The following CDC42BPA variants were observed in gnomAD, a reference collection of about 807,000 sequenced individuals.
The protein encoded by CDC42BPA is CDC42 binding protein kinase alpha, also known as serine/threonine-protein kinase MRCK alpha.
A neutral mutation model predicts 223.5 loss-of-function variants in CDC42BPA; 80 were observed. The ratio of observed to expected loss-of-function variants is 0.36; its 90% CI spans 0.30 to 0.43. The LOEUF is 0.43. Among genes scored for constraint, CDC42BPA ranks in the 20% least tolerant of loss-of-function variants. CDC42BPA has a pLI of 1.00. For synonymous variants in CDC42BPA, 694 were observed against 718.6 expected, an observed-to-expected ratio of 0.97 and a Z score of 0.55; for missense variants, 1,743 against 2,099.9, an observed-to-expected ratio of 0.83 and a Z score of 3.32.
chr1:227,159,914 G>T (rs1218587602), intron 6 of CDC42BPA, among the ~76,000 whole-genome samples: 9 of 152,002 alleles, frequency 5.9e-5, no homozygotes, highest in Non-Finnish European at 1.2e-4. Context: ...TGCAATCTTG[G>T]CTCACTGCAA....
intron 16 of CDC42BPA, among the ~76,000 whole-genome samples, chr1:227,084,067 T>C (rs781536521): frequency 6.6e-6 from 1 of 151,586 alleles, no homozygotes; most frequent in Non-Finnish European, 1.5e-5. Context: ...AGTAAAGTCC[T>C]GGTTTCCTTG....
Position 227,160,639 on chromosome 1 carries a change from G to A in CDC42BPA, c.600-3C>T, listed in dbSNP as rs879041872. ...GTATATTGTCAGGTTTAATGTCTCT[G>A]AAAAAATAAATAAATTCAATTTTTA... On this transcript the variant is annotated splice_region_variant and splice_polypyrimidine_tract_variant and intron_variant, in intron 5 of 36. Transcript: ENST00000366766. 2 of 1,471,114 alleles carry A rather than the reference G, an allele frequency of 1.4e-6. No individual in the cohort carries two copies. The highest frequency in any genetic ancestry group is 1.9e-5 in the Admixed American group (1 of 52,478). The allele number at this position is 1,471,114 out of a possible 1,614,324, so 91.1% of individuals were successfully genotyped here. A position where few individuals can be genotyped will look rare whatever the true frequency, so the allele number is the denominator to read the frequency against.
At chr1:227,256,428 A>G (rs1683033711) in intron 1 of CDC42BPA, among the ~76,000 whole-genome samples, 1 of 152,210 alleles carries the variant, frequency 6.6e-6, no homozygotes, top group African/African-American at 2.4e-5. Flanking sequence ...TGGCACATGT[A>G]TACCTATGTA....
intron 5 of CDC42BPA, among the ~76,000 whole-genome samples, chr1:227,181,193 T>C (rs1026524624): frequency 5.3e-5 from 8 of 152,162 alleles, no homozygotes; most frequent in Admixed American, 3.3e-4. Flanking sequence ...AGTGCATAGA[T>C]GCACAAATCT....
rs535437158 is a variant in CDC42BPA, at chr1:226,994,667, G to A, written c.5133+156C>T. ...CTGGGAAAACTGCAGTTTGCAGCCC[G>A]AGTGACTGGCCTAGCTGCCCGCTGG... On this transcript the variant is annotated intron_variant, in intron 36 of 36. Coordinates refer to ENST00000366766, the MANE Select transcript of CDC42BPA (RefSeq NM_001394014.1). This position sits in a 1 kb window ranked among gnomAD's most constrained non-coding sequence, Gnocchi z 4.0. Among the ~76,000 whole-genome samples the A allele has an allele frequency of 6.6e-5, 10 of 152,274 alleles. No homozygotes were observed. Among genetic ancestry groups the A allele is most frequent in the Admixed American group, 4.6e-4 (7 of 15,304 alleles).
chr1:227,301,361 CATTTT>C (rs1039362981), intron 1 of CDC42BPA, among the ~76,000 whole-genome samples: 2 of 144,824 alleles, frequency 1.4e-5, no homozygotes, highest in African/African-American at 5.2e-5. Context: ...AGGATGTAGA[CATTTT>C]TTTTTTTTTT....
At chr1:227,138,038 CAG>C (rs1165741902) in intron 10 of CDC42BPA, among the ~76,000 whole-genome samples, 2 of 151,934 alleles carry the variant, frequency 1.3e-5, no homozygotes, top group Admixed American at 6.6e-5. Context: ...AAAAAAGAAA[CAG>C]AAAAATTTCA....
In CDC42BPA at chr1:227,255,308, A is replaced by T. The variant is rs142697226; in HGVS notation, c.179-1153T>A. On this transcript the variant is annotated intron_variant, in intron 1 of 36. Coordinates refer to ENST00000366766, the MANE Select transcript of CDC42BPA (RefSeq NM_001394014.1). ...AAGATACATATTTGAGCATTAGGGG[A>T]GTGAAACAGATAGGTCATACAGTTT... Among the ~76,000 whole-genome samples, 912 of 152,298 alleles carry T rather than the reference A, an allele frequency of 6.0e-3. 10 individuals are homozygous for T. Among genetic ancestry groups the T allele is most frequent in the African/African-American group, 0.021 (859 of 41,560 alleles).
intron 1 of CDC42BPA, among the ~76,000 whole-genome samples, chr1:227,281,833 A>G (rs1688058285): frequency 6.6e-6 from 1 of 152,290 alleles, no homozygotes; most frequent in South Asian, 2.1e-4. Flanking sequence ...TGGGAAGGGG[A>G]AAACCTACCT....
At chr1:227,125,591 T>A in intron 11 of CDC42BPA, among the ~76,000 whole-genome samples, 1 of 130,332 alleles carries the variant, frequency 7.7e-6, no homozygotes, top group Non-Finnish European at 1.6e-5. Flanking sequence ...AGTGAGACTC[T>A]GTCTACAAAT....
chr1:227,098,771 G>C (rs1355628180), intron 15 of CDC42BPA, among the ~76,000 whole-genome samples: 1 of 151,442 alleles, frequency 6.6e-6, no homozygotes, highest in Non-Finnish European at 1.5e-5. Flanking sequence ...TCTTCTAAGT[G>C]GTCTCATCAC....
chr1:227,204,526 G>C (rs1483182879), intron 3 of CDC42BPA, among the ~76,000 whole-genome samples: 5 of 152,058 alleles, frequency 3.3e-5, no homozygotes, highest in Admixed American at 1.3e-4. Context: ...TTTAGGGAGT[G>C]GATAAGTTCT....
chr1:227,260,326 G>A (rs924427014), intron 1 of CDC42BPA, among the ~76,000 whole-genome samples: 4 of 151,164 alleles, frequency 2.6e-5, no homozygotes, highest in Admixed American at 6.6e-5. Context: ...ATTGTTTACT[G>A]TTTAATGAAC....
chr1:227,037,271 G>A (rs1670461145), intron 24 of CDC42BPA, among the ~76,000 whole-genome samples: 1 of 152,130 alleles, frequency 6.6e-6, no homozygotes, highest in Non-Finnish European at 1.5e-5. Flanking sequence ...TCCTTCTCAG[G>A]TTAACTTGGC....
chr1:227,001,393 C>T (rs755314085), intron 35 of CDC42BPA, among the ~76,000 whole-genome samples: 16 of 152,164 alleles, frequency 1.1e-4, no homozygotes, highest in Non-Finnish European at 1.9e-4. Context: ...GCGTTAAGGG[C>T]CTTGACAAGA....
chr1:227,074,736 T>C (rs1179342186), intron 17 of CDC42BPA, among the ~76,000 whole-genome samples: 1 of 152,218 alleles, frequency 6.6e-6, no homozygotes, highest in Non-Finnish European at 1.5e-5. Flanking sequence ...TGCCATTTTA[T>C]ATCATAAAAA....
chr1:227,316,903 T>G, intron 1 of CDC42BPA, 102 bp downstream of exon 1: 1 of 833,712 alleles, frequency 1.2e-6, no homozygotes. Flanking sequence ...TTTATTGTAT[T>G]TTTTCTTTGA....
intron 6 of CDC42BPA, among the ~76,000 whole-genome samples, chr1:227,149,776 A>G (rs533824891): frequency 4.6e-5 from 7 of 152,324 alleles, no homozygotes; most frequent in African/African-American, 1.7e-4. Context: ...AAGAAAGGCT[A>G]AGACGTACAG....
intron 10 of CDC42BPA, 95 bp from the exon 11 acceptor site, chr1:227,129,326 A>G (rs1347124789): frequency 8.6e-6 from 8 of 928,186 alleles, no homozygotes; most frequent in African/African-American, 8.6e-5. Context: ...TTCTTATACA[A>G]TTTTATAGAA....
Sources: gnomAD v4.1 joint callset for allele counts (sites outside exome capture counted in the v4.1 genomes callset) on GRCh38, gnomAD v4.1.1 for gene constraint, Gnocchi (gnomAD v3.1) non-coding constraint, MANE v1.5 for transcripts, NCBI Gene and HGNC (gene_info 2026-07-23, HGNC 2026-07-21) for gene names.